Variants in KIF1A observed in about 807,000 individuals in gnomAD.
KIF1A encodes kinesin-like protein KIF1A.
A neutral mutation model predicts 227.3 loss-of-function variants in KIF1A; 46 were observed. The ratio of observed to expected loss-of-function variants is 0.20; its 90% confidence interval spans 0.16 to 0.26. The LOEUF is 0.26. Ranked by LOEUF, KIF1A falls within the 10% of genes least tolerant of loss-of-function variation. The pLI, the probability that KIF1A is intolerant of heterozygous loss-of-function variation, is 1.00. For synonymous variants in KIF1A, 1,022 were observed against 1,012.8 expected (o/e 1.01, Z -0.17); for missense variants, 1,683 against 2,485.9 (o/e 0.68, Z 6.87).
At chr2:240,763,392 G>T in intron 20 of KIF1A, 46 bp from the exon 21 acceptor site, 1 of 1,509,022 alleles carries the variant, frequency 6.6e-7, no homozygotes, top group South Asian at 1.2e-5. Context: ...GGGATCTTCA[G>T]GTCCCTGATG....
At chr2:240,818,277 G>A (rs775688467) in intron 1 of KIF1A, among the ~76,000 whole-genome samples, 4 of 152,238 alleles carry the variant, frequency 2.6e-5, no homozygotes, top group Non-Finnish European at 5.9e-5. Context: ...CCCTGCCTTG[G>A]ACCCAGCACC....
intron 38 of KIF1A, among the ~76,000 whole-genome samples, chr2:240,734,174 G>A (rs938638223): frequency 2.0e-5 from 3 of 152,254 alleles, no homozygotes; most frequent in Admixed American, 6.5e-5. Context: ...AGGGACTCAC[G>A]AGAGGCTGTG....
At position 240,758,302 on chromosome 2, in the gene KIF1A, C is replaced by A; in HGVS notation, c.2582+58G>T. The A allele has an allele frequency of 1.3e-6, 2 of 1,566,144 alleles. No individual in the cohort carries two copies. The highest frequency in any genetic ancestry group is 1.7e-6 in the Non-Finnish European group (2 of 1,154,444). On this transcript the variant is annotated intron_variant, in intron 26 of 48. Transcript: ENST00000498729. The surrounding 1 kb of genome is among the most constrained non-coding windows in gnomAD (Gnocchi z 5.2). Reference sequence around the variant, plus strand: ...TCAGGCCAGGGCCCACTCCTACCCCCACTGCCATCTCTCTCTCTCAATCTC... The same window carrying A: ...TCAGGCCAGGGCCCACTCCTACCCCAACTGCCATCTCTCTCTCTCAATCTC...
At chr2:240,765,586 C>T in intron 20 of KIF1A, 124 bp downstream of exon 20, 1 of 745,170 alleles carries the variant, frequency 1.3e-6, no homozygotes. Flanking sequence ...CCCCTACCTG[C>T]CCAGCGGCCC....
intron 10 of KIF1A, chr2:240,782,057 C>T (rs527889459): frequency 2.0e-6 from 2 of 985,416 alleles, no homozygotes; most frequent in Non-Finnish European, 2.4e-6. Context: ...CCGTTCCTGC[C>T]GGTCCCTCGA....
intron 38 of KIF1A, among the ~76,000 whole-genome samples, chr2:240,732,788 AT>A (rs2046883968): frequency 1.6e-5 from 1 of 63,802 alleles, no homozygotes; most frequent in Non-Finnish European, 3.0e-5. Context: ...GGATGAGGGG[AT>A]AAGGGATGAG....
At position 240,736,782 on chromosome 2, in the gene KIF1A, G is replaced by A. The variant is rs1308666718; in HGVS notation, c.4007+281C>T. On this transcript the variant is annotated intron_variant, in intron 38 of 48. Coordinates refer to ENST00000498729, the MANE Select transcript of KIF1A (RefSeq NM_001244008.2). The surrounding 1 kb of genome is among the most constrained non-coding windows in gnomAD (Gnocchi z 4.7). ...CGCAACCACAAAACTCCCGAGGACA[G>A]AACTCAGCTCATCTTCCAACCCCTG... 6.6e-6 allele frequency among the ~76,000 whole-genome samples: 1 copy of A among 152,226 alleles called. No individual in the cohort carries two copies. The highest frequency in any genetic ancestry group is 2.4e-5 in the African/African-American group (1 of 41,456).
At chr2:240,786,251 G>T in intron 6 of KIF1A, 84 bp downstream of exon 6, 2 of 1,373,552 alleles carry the variant, frequency 1.5e-6, no homozygotes, top group Non-Finnish European at 2.1e-6. Context: ...ACCAAAAAGG[G>T]CCAGGACCGA....
chr2:240,807,687 C>A (rs944058199), intron 1 of KIF1A, among the ~76,000 whole-genome samples: 2 of 151,980 alleles, frequency 1.3e-5, no homozygotes, highest in South Asian at 4.2e-4. Flanking sequence ...TTCACTGATG[C>A]TAATAGAATT....
chr2:240,780,340 C>T (rs1240308994), intron 10 of KIF1A, among the ~76,000 whole-genome samples: 4 of 151,996 alleles, frequency 2.6e-5, no homozygotes, highest in Admixed American at 6.5e-5. Context: ...TCAGAGTACG[C>T]GGAGCTCCAG....
rs775071141 is a variant in KIF1A at position 240,765,811 on chromosome 2, G to A, written c.1685-18C>T. The A allele has an allele frequency of 3.1e-6, 5 of 1,597,218 alleles. No homozygotes were observed. The African/African-American group carries it at 4.0e-5, about 13-fold the overall frequency. On this transcript the variant is annotated intron_variant, in intron 19 of 48. Transcript: ENST00000498729. ...CACCACAGCTACAGGAAAGGTGGGA[G>A]GGGCAGAGAGGAGGACTATGAGGGG...
upstream of KIF1A, among the ~76,000 whole-genome samples, chr2:240,820,594 A>C (rs1352308284): frequency 2.2e-5 from 3 of 134,292 alleles, no homozygotes; most frequent in Admixed American, 7.2e-5. The surrounding 1 kb of genome is among the most constrained non-coding windows in gnomAD (Gnocchi z 6.2). Flanking sequence ...GCCGTCCCCC[A>C]CCCTGGCCCC....
intron 4 of KIF1A, 98 bp from the exon 5 acceptor site, chr2:240,787,414 C>G (rs1407280418): frequency 9.5e-7 from 1 of 1,050,986 alleles, no homozygotes; most frequent in African/African-American, 1.6e-5. Context: ...CAGGCGGGAT[C>G]CACCCTCTCA....
chr2:240,735,397 C>A (rs1440101780), intron 38 of KIF1A, among the ~76,000 whole-genome samples: 1 of 111,590 alleles, frequency 9.0e-6, no homozygotes, highest in African/African-American at 2.8e-5. Context: ...TGAGCCGCTC[C>A]CTCCTACGTC....
intron 4 of KIF1A, 83 bp downstream of exon 4, chr2:240,787,968 G>T: frequency 7.5e-7 from 1 of 1,340,278 alleles, no homozygotes; most frequent in Non-Finnish European, 1.0e-6. Context: ...GCTGCTCTCA[G>T]GGGTGCCTGG....
At chr2:240,767,677 G>A (rs1478890383) in intron 17 of KIF1A, among the ~76,000 whole-genome samples, 4 of 152,256 alleles carry the variant, frequency 2.6e-5, no homozygotes, top group African/African-American at 4.8e-5. Context: ...GGGCCCTGGG[G>A]CCCTCTGAGG....
intron 38 of KIF1A, 35 bp downstream of exon 38, chr2:240,737,027 GC>G: frequency 6.5e-7 from 1 of 1,528,490 alleles, no homozygotes. Flanking sequence ...CTGGGAACAT[GC>G]CCTGGGCCCT....
chr2:240,818,047 G>C (rs1322806993), intron 1 of KIF1A, among the ~76,000 whole-genome samples: 1 of 152,196 alleles, frequency 6.6e-6, no homozygotes, highest in Non-Finnish European at 1.5e-5. Flanking sequence ...GTGGGGAAGG[G>C]GGAAAGGAGG....
In KIF1A at chr2:240,722,594, G is replaced by C; in HGVS notation, c.4527C>G (p.Val1509=). The C allele has an allele frequency of 1.3e-6, 2 of 1,564,756 alleles. No homozygotes were observed. Among genetic ancestry groups the C allele is most frequent in the African/African-American group, 2.7e-5 (2 of 73,932 alleles). Residue 1509 remains valine (V), a synonymous_variant, in exon 43 of 49, where the codon GTC becomes GTG. Transcript: ENST00000498729. ...REKLETAQRP[V]PEALSPAFSE... ...TGAAGGCCGGGGACAGTGCCTCCGGGACAGGCCGCTGGGCGGTCTCCAGCT... is the reference window on the plus strand; with the variant it reads ...TGAAGGCCGGGGACAGTGCCTCCGGCACAGGCCGCTGGGCGGTCTCCAGCT...
Sources: gnomAD v4.1 joint callset for allele counts (sites outside exome capture counted in the v4.1 genomes callset) on GRCh38, gnomAD v4.1.1 for gene constraint, Gnocchi (gnomAD v3.1) non-coding constraint, MANE v1.5 for transcripts, NCBI Gene and HGNC (gene_info 2026-07-23, HGNC 2026-07-21) for gene names.